The following RACGAP1 variants were observed in gnomAD, a reference collection of about 807,000 sequenced individuals.
RACGAP1 encodes rac GTPase-activating protein 1.
RACGAP1 carries 30 observed loss-of-function variants against 78.1 expected under a neutral mutation model. The ratio of observed to expected loss-of-function variants is 0.38; its 90% confidence interval spans 0.29 to 0.52. The LOEUF (loss-of-function observed/expected upper bound fraction) is 0.52, where lower values mean the gene tolerates loss of function less well. Ranked by LOEUF, RACGAP1 falls within the 20% of genes least tolerant of loss-of-function variation. RACGAP1 has a pLI of 0.82. For synonymous variants in RACGAP1, 231 were observed against 264.8 expected (o/e 0.87, Z 1.24); for missense variants, 587 against 777.1 (o/e 0.76, Z 2.91).
At chr12:49,994,950 G>A (rs1055335085) in intron 10 of RACGAP1, among the ~76,000 whole-genome samples, 4 of 151,892 alleles carry the variant, frequency 2.6e-5, no homozygotes, top group African/African-American at 9.7e-5. Flanking sequence ...ATTATTCTCA[G>A]TAAAAAAAAT....
chr12:50,031,428 G>A (rs543017494), intron 2 of RACGAP1, among the ~76,000 whole-genome samples: 2 of 129,092 alleles, frequency 1.5e-5, no homozygotes, highest in South Asian at 5.1e-4. Context: ...GCAGTGAGCC[G>A]AGATTGCACC....
chr12:50,027,528 T>A (rs1374229332), upstream of RACGAP1, among the ~76,000 whole-genome samples: 1 of 152,078 alleles, frequency 6.6e-6, no homozygotes, highest in Admixed American at 6.6e-5. Context: ...GGCAAGCATA[T>A]ATTTAATAAA....
chr12:50,005,050 C>G (rs1448429299), intron 4 of RACGAP1, among the ~76,000 whole-genome samples: 2 of 152,210 alleles, frequency 1.3e-5, no homozygotes, highest in Admixed American at 1.3e-4. Flanking sequence ...GAAACAACAT[C>G]CTTAGGAAAG....
intron 8 of RACGAP1, 64 bp from the exon 9 acceptor site, chr12:49,999,335 C>T: frequency 6.5e-7 from 1 of 1,537,656 alleles, no homozygotes. Context: ...AATTTTAGCT[C>T]CAATTTTAAC....
At chr12:49,995,616 T>A (rs1048776949) in intron 10 of RACGAP1, among the ~76,000 whole-genome samples, 5 of 152,012 alleles carry the variant, frequency 3.3e-5, no homozygotes, top group Admixed American at 1.3e-4. Flanking sequence ...CCTAGCCTCC[T>A]GAGGAGCTAC....
intron 2 of RACGAP1, among the ~76,000 whole-genome samples, chr12:50,015,528 G>A (rs1281786885): frequency 2.0e-5 from 3 of 152,094 alleles, no homozygotes; most frequent in Non-Finnish European, 2.9e-5. Context: ...AAGGCCAGGC[G>A]CAGTGGCTCA....
chr12:49,996,476 A>G (rs2056765800), intron 10 of RACGAP1, among the ~76,000 whole-genome samples: 1 of 151,272 alleles, frequency 6.6e-6, no homozygotes, highest in Non-Finnish European at 1.5e-5. Context: ...TAAAAAATAC[A>G]ACCAAAAAAA....
chr12:50,006,682 A>T (rs377523039), intron 2 of RACGAP1, 46 bp from the exon 3 acceptor site: 153 of 1,563,488 alleles, frequency 9.8e-5, no homozygotes, highest in Non-Finnish European at 3.3e-5. Context: ...CAAACAGAGT[A>T]TAACTGCTCT....
chr12:49,999,593 G>T, intron 8 of RACGAP1, 23 bp downstream of exon 8: 1 of 1,592,044 alleles, frequency 6.3e-7, no homozygotes, highest in Non-Finnish European at 8.6e-7. Context: ...ACACAGGCCA[G>T]TTTAGTCACA....
chr12:50,008,169 G>GAAAA lies in RACGAP1; in HGVS notation c.86-1537_86-1534dup, dbSNP rs71441313. 2.4e-3 allele frequency among the ~76,000 whole-genome samples: 146 copies of GAAAA among 60,660 alleles called. 3 individuals carry two copies. Among genetic ancestry groups the GAAAA allele is most frequent in the African/African-American group, 0.011 (139 of 13,046 alleles). 39.8% of individuals were successfully genotyped at this position (60,660 alleles called of 152,430 possible). A position where few individuals can be genotyped will look rare whatever the true frequency, so the allele number is the denominator to read the frequency against. On this transcript the variant is annotated intron_variant, in intron 2 of 16. Transcript: ENST00000312377. Reference sequence around the variant, plus strand: ...TTTTGTGTGTGCAGGTGAGAAATGTGAAAAAAAAAAAAAAAAAAAAAAAAA... The same window carrying GAAAA: ...TTTTGTGTGTGCAGGTGAGAAATGTGAAAAAAAAAAAAAAAAAAAAAAAAAAAAA...
At chr12:50,010,722 C>T (rs921565234) in intron 2 of RACGAP1, among the ~76,000 whole-genome samples, 7 of 151,624 alleles carry the variant, frequency 4.6e-5, no homozygotes, top group African/African-American at 1.5e-4. Flanking sequence ...CATCTGAGGT[C>T]GGGAGTTCGA....
intron 6 of RACGAP1, among the ~76,000 whole-genome samples, chr12:50,001,986 AC>A (rs1948704651): frequency 6.7e-6 from 1 of 149,632 alleles, no homozygotes; most frequent in African/African-American, 2.5e-5. Context: ...AATTGCTTGA[AC>A]CCGGGAGGCG....
upstream of RACGAP1, among the ~76,000 whole-genome samples, chr12:50,026,280 TGG>T (rs1476086587): frequency 6.6e-6 from 1 of 151,948 alleles, no homozygotes; most frequent in Non-Finnish European, 1.5e-5. Flanking sequence ...GGAAAAATAC[TGG>T]CTGGAGCATA....
chr12:50,025,243 C>A lies in RACGAP1; in HGVS notation c.-5+155G>T. 4.2e-6 allele frequency: 4 copies of A among 949,000 alleles called. No homozygotes were observed. The South Asian group carries it at 1.9e-4, about 46-fold the overall frequency. 58.8% of individuals were successfully genotyped at this position (949,000 alleles called of 1,614,324 possible). ...ATTCGACCTGCCACGACCCCCACCC[C>A]AGAAAAGCCCGAGTGGAGAGGCTGT... On this transcript the variant is annotated intron_variant, in intron 1 of 16. Coordinates refer to ENST00000312377, the MANE Select transcript of RACGAP1 (RefSeq NM_001319999.2).
At chr12:50,026,555 T>C (rs1345616145), upstream of RACGAP1, among the ~76,000 whole-genome samples, 2 of 152,202 alleles carry the variant, frequency 1.3e-5, no homozygotes, top group Non-Finnish European at 2.9e-5. Context: ...ATAAAGTATG[T>C]GAGGTAATGG....
upstream of RACGAP1, among the ~76,000 whole-genome samples, chr12:50,027,131 A>G (rs1950283063): frequency 6.6e-6 from 1 of 152,252 alleles, no homozygotes; most frequent in Non-Finnish European, 1.5e-5. Context: ...GTGGTACACT[A>G]TCAAAGTTTA....
intron 12 of RACGAP1, 116 bp from the exon 13 acceptor site, chr12:49,992,771 G>T (rs138283898): frequency 2.7e-5 from 18 of 656,508 alleles, no homozygotes; most frequent in African/African-American, 2.2e-4. Context: ...CTCCTGATTA[G>T]TTCATGACTA....
intron 2 of RACGAP1, among the ~76,000 whole-genome samples, chr12:50,009,642 T>C (rs1949189800): frequency 6.6e-6 from 1 of 152,124 alleles, no homozygotes; most frequent in African/African-American, 2.4e-5. Flanking sequence ...GTTGAACAAA[T>C]GAATGAATGA....
At chr12:50,029,552 T>C (rs1343049034), upstream of RACGAP1, among the ~76,000 whole-genome samples, 1 of 148,106 alleles carries the variant, frequency 6.8e-6, no homozygotes, top group East Asian at 2.0e-4. Flanking sequence ...CCAGCCTGGG[T>C]GACAGTGCGA....
Sources: allele counts gnomAD v4.1 joint callset (sites outside exome capture counted in the v4.1 genomes callset), GRCh38; gene constraint gnomAD v4.1.1; transcripts MANE v1.5; gene names NCBI Gene and HGNC (gene_info 2026-07-23, HGNC 2026-07-21).